Variants in ITGAD observed in about 807,000 individuals in gnomAD.
ITGAD encodes the protein integrin subunit alpha D.
A neutral mutation model predicts 139.0 loss-of-function variants in ITGAD; 105 were observed. The observed-to-expected ratio is 0.76, with a 90% CI of 0.65 to 0.89. The LOEUF is 0.89. ITGAD is among the 40% of genes least tolerant of loss of function. The probability of loss-of-function intolerance (pLI) is 0.00; values close to 1 mark genes in which losing one functional copy is unlikely to be tolerated. For missense variants in ITGAD, 1,384 were observed against 1,487.3 expected (o/e 0.93, Z 1.14); for synonymous variants, 569 against 598.3 (o/e 0.95, Z 0.71).
chr16:31,396,685 C>T (rs1471380243), intron 2 of ITGAD, among the ~76,000 whole-genome samples: 1 of 152,146 alleles, frequency 6.6e-6, no homozygotes. Context: ...CCTTGCTTGG[C>T]GCATTAAAAT....
At chr16:31,397,688 C>T (rs1185831164) in intron 4 of ITGAD, 22 bp downstream of exon 4, 12 of 172,964 alleles carry the variant, frequency 6.9e-5, no homozygotes, top group African/African-American at 1.5e-4. Flanking sequence ...TCTTGGGCCA[C>T]GGGGGGGTGG....
Position 31,416,198 on chromosome 16 carries a change from A to G in ITGAD, c.2284-15A>G. On this transcript the variant is annotated splice_polypyrimidine_tract_variant and intron_variant, in intron 18 of 29. Transcript: ENST00000389202. ...AAGATGTCAGATGGGAACAGAATAT[A>G]CTATTTTGCTGCAGCTCCCCTTCGA... The G allele has an allele frequency of 6.3e-7, 1 of 1,591,292 alleles. No individual in the cohort carries two copies.
intron 9 of ITGAD, 27 bp from the exon 10 acceptor site, chr16:31,408,398 G>A (rs1391672815): frequency 6.2e-7 from 1 of 1,605,300 alleles, no homozygotes; most frequent in East Asian, 2.2e-5. Flanking sequence ...TGGCTTCTAG[G>A]AACTTCACTG....
chr16:31,421,184 A>G (rs1266519770), intron 23 of ITGAD, among the ~76,000 whole-genome samples: 1 of 152,164 alleles, frequency 6.6e-6, no homozygotes, highest in Non-Finnish European at 1.5e-5. Context: ...GTTCCTGTCA[A>G]TCTCCAAGTG....
intron 20 of ITGAD, 65 bp downstream of exon 20, chr16:31,416,711 C>A: frequency 6.6e-7 from 1 of 1,504,480 alleles, no homozygotes; most frequent in South Asian, 1.2e-5. Context: ...CCGGGAGTTA[C>A]ACAGTGTTCT....
intron 21 of ITGAD, 26 bp from the exon 22 acceptor site, chr16:31,418,275 C>G: frequency 6.2e-7 from 1 of 1,610,742 alleles, no homozygotes; most frequent in Non-Finnish European, 8.5e-7. Flanking sequence ...CCTTTTATCC[C>G]CATTCTTTCC....
chr16:31,423,031 C>G, intron 23 of ITGAD, 83 bp from the exon 24 acceptor site: 1 of 1,066,020 alleles, frequency 9.4e-7, no homozygotes, highest in Middle Eastern at 2.0e-4. Context: ...ATCTGCCCAG[C>G]CCAACAGAGC....
At chr16:31,404,327 G>A (rs868653596) in intron 7 of ITGAD, 4 of 152,374 alleles carry the variant, frequency 2.6e-5, no homozygotes, top group African/African-American at 9.7e-5. Context: ...AAAGGCATGT[G>A]GTTCTTGTAG....
At chr16:31,410,604 G>A in intron 11 of ITGAD, 80 bp downstream of exon 11, 1 of 1,594,224 alleles carries the variant, frequency 6.3e-7, no homozygotes, top group Non-Finnish European at 8.5e-7. Flanking sequence ...GAGGGGGGAT[G>A]GGCGCTGTGC....
Position 31,411,214 on chromosome 16 carries a change from G to T in ITGAD, c.1495G>T (p.Gly499Trp). ...GGTGTCCGTGTGTCCCTTGCCTAGG[G>T]GGGTGAGTGGCTGATGGGACCTAGG... The part of the protein sequence containing the change: ...GQVSVCPLPR[G>W]RVQWQCDAVL... Residue 499 changes from glycine (G) to tryptophan (W), a missense_variant and splice_region_variant, in exon 13 of 30, where the codon GGG becomes TGG. By Grantham distance (184) the Gly-to-Trp change is radical. Coordinates refer to ENST00000389202, the MANE Select transcript of ITGAD (RefSeq NM_005353.3). The T allele has an allele frequency of 6.2e-7, 1 of 1,613,324 alleles. No individual in the cohort carries two copies. Among genetic ancestry groups the T allele is most frequent in the African/African-American group, 1.3e-5 (1 of 75,006 alleles).
At position 31,410,415 on chromosome 16, in the gene ITGAD, T is replaced by C. The variant is rs749553858; in HGVS notation, c.1104T>C (p.Ala368=). The stretch of plus-strand genomic sequence containing the variant: ...CCCAGGATGGCCTCTTCCTGGGGGC[T>C]GTGGGGAGCTTTAGCTGGTCTGGAG... ...ALTMDGLFLG[A]VGSFSWSGGA... Residue 368 remains alanine (A), a synonymous_variant, in exon 11 of 30, where the codon GCT becomes GCC. Transcript: ENST00000389202. 8.7e-6 allele frequency: 14 copies of C among 1,613,532 alleles called. No homozygotes were observed. The highest frequency in any genetic ancestry group is 2.7e-5 in the African/African-American group (2 of 74,788).
intron 5 of ITGAD, among the ~76,000 whole-genome samples, chr16:31,399,254 G>C (rs994143233): frequency 1.3e-5 from 2 of 152,246 alleles, no homozygotes; most frequent in African/African-American, 4.8e-5. Context: ...AGGGGGTTAT[G>C]AAGGTGAAAG....
chr16:31,413,052 G>A, intron 15 of ITGAD, 37 bp from the exon 16 acceptor site: 1 of 1,610,376 alleles, frequency 6.2e-7, no homozygotes. Context: ...CCTCCCAGAA[G>A]CCAGTGTTCT....
chr16:31,403,613 GACGTTC>G lies in ITGAD; in HGVS notation c.676_681del (p.Phe226_Thr227del). 1 of 1,614,128 alleles carries G rather than the reference GACGTTC, an allele frequency of 6.2e-7. No individual in the cohort carries two copies. The highest frequency in any genetic ancestry group is 8.5e-7 in the Non-Finnish European group (1 of 1,180,022). On this transcript the variant is annotated inframe_deletion, in exon 7 of 30. Coordinates refer to ENST00000389202, the MANE Select transcript of ITGAD (RefSeq NM_005353.3). This position sits in a 1 kb window ranked among gnomAD's most constrained non-coding sequence, Gnocchi z 4.4. ...ATCCCATCGTCCAACTGAAAGGCCTGACGTTCACGGCCACGGGCATCCTGACAGTGG... is the reference window on the plus strand; with the variant it reads ...ATCCCATCGTCCAACTGAAAGGCCTGACGGCCACGGGCATCCTGACAGTGG...
In ITGAD at chr16:31,407,683, C is replaced by T. The variant is rs1488038929; in HGVS notation, c.858+15C>T. ...ACGCTATCGGGGTGCGCCTCTTCTT[C>T]ACCCCTGCCCCAGGCTCAGCCTGCA... On this transcript the variant is annotated intron_variant, in intron 8 of 29. Coordinates refer to ENST00000389202, the MANE Select transcript of ITGAD (RefSeq NM_005353.3). 1 of 1,613,624 alleles carries T rather than the reference C, an allele frequency of 6.2e-7. No homozygotes were observed. The highest frequency in any genetic ancestry group is 1.7e-5 in the Admixed American group (1 of 59,960).
intron 23 of ITGAD, among the ~76,000 whole-genome samples, chr16:31,419,549 A>C (rs930522098): frequency 1.3e-5 from 2 of 151,822 alleles, no homozygotes; most frequent in African/African-American, 4.8e-5. Context: ...AGTGGCTCAC[A>C]CCTGTAATCC....
At chr16:31,413,316 G>A (rs2081788331) in intron 16 of ITGAD, 70 bp downstream of exon 16, 1 of 1,522,022 alleles carries the variant, frequency 6.6e-7, no homozygotes, top group African/African-American at 1.4e-5. Flanking sequence ...TCCTGAGGAT[G>A]GGATGGGCCT....
chr16:31,402,096 C>G lies in ITGAD; in HGVS notation c.428-19C>G. 6.2e-7 allele frequency: 1 copy of G among 1,610,864 alleles called. No homozygotes were observed. The highest frequency in any genetic ancestry group is 8.5e-7 in the Non-Finnish European group (1 of 1,177,494). ...GGGCCCCCGCAGTGCATCTCCGATT[C>G]CTCCCCATTCCCCCACAGAGTGTCC... On this transcript the variant is annotated intron_variant, in intron 5 of 29. Transcript: ENST00000389202.
intron 9 of ITGAD, 82 bp downstream of exon 9, chr16:31,407,998 A>T: frequency 7.1e-7 from 1 of 1,399,384 alleles, no homozygotes. Flanking sequence ...TTTGAGATGG[A>T]GTCTCACTTT....
Sources: gnomAD v4.1 joint callset for allele counts (sites outside exome capture counted in the v4.1 genomes callset) on GRCh38, gnomAD v4.1.1 for gene constraint, Gnocchi (gnomAD v3.1) non-coding constraint, MANE v1.5 for transcripts, NCBI Gene and HGNC (gene_info 2026-07-23, HGNC 2026-07-21) for gene names.